The following ZBTB20 variants were observed in gnomAD, a reference collection of about 807,000 sequenced individuals.
ZBTB20 encodes the protein zinc finger and BTB domain containing 20.
Under a neutral mutation model 56.9 loss-of-function variants are expected in ZBTB20, and 9 were observed. The observed-to-expected ratio is 0.16, with a 90% confidence interval of 0.10 to 0.28. The LOEUF is 0.28. Among genes scored for constraint, ZBTB20 ranks in the 10% least tolerant of loss-of-function variants. The pLI is 1.00. For synonymous variants in ZBTB20, 417 were observed against 420.7 expected, an observed-to-expected ratio of 0.99 and a Z score of 0.11; for missense variants, 655 against 1,003.0, an observed-to-expected ratio of 0.65 and a Z score of 4.69.
At chr3:114,747,463 C>T (rs942469087) in intron 5 of ZBTB20, among the ~76,000 whole-genome samples, 1 of 152,056 alleles carries the variant, frequency 6.6e-6, no homozygotes, top group Non-Finnish European at 1.5e-5. Context: ...GTTCGGGAGG[C>T]TGAGGCAGGA....
intron 1 of ZBTB20, among the ~76,000 whole-genome samples, chr3:115,098,241 G>A (rs577591591): frequency 1.3e-5 from 2 of 152,174 alleles, no homozygotes; most frequent in African/African-American, 4.8e-5. Flanking sequence ...CTGTATGTGT[G>A]TACAGAAAAA....
chr3:115,135,742 C>T (rs919071207), intron 1 of ZBTB20, among the ~76,000 whole-genome samples: 5 of 152,014 alleles, frequency 3.3e-5, no homozygotes, highest in Non-Finnish European at 7.4e-5. Flanking sequence ...TGTTCACAAC[C>T]CAACTACCTT....
chr3:115,069,490 C>G (rs2082328460), intron 2 of ZBTB20, among the ~76,000 whole-genome samples: 1 of 152,056 alleles, frequency 6.6e-6, no homozygotes, highest in Non-Finnish European at 1.5e-5. Flanking sequence ...TCAGTTGAGA[C>G]TACACATAGC....
At chr3:114,937,720 C>T (rs1401884644) in intron 3 of ZBTB20, among the ~76,000 whole-genome samples, 1 of 152,126 alleles carries the variant, frequency 6.6e-6, no homozygotes, top group Non-Finnish European at 1.5e-5. Flanking sequence ...TGCGGCCAGC[C>T]GTAAATGTCT....
rs1385900448 is a variant in ZBTB20, at chr3:114,578,644, A to G, written c.-294-78253T>C. Among the ~76,000 whole-genome samples the G allele has an allele frequency of 2.0e-5, 3 of 152,050 alleles. No individual in the cohort carries two copies. The South Asian group carries it at 6.2e-4, about 32-fold the overall frequency. ...TTAATTAAGAATAGTTGACAGAACA[A>G]TAGTCTAAGATATAATTGAGTAATG... On this transcript the variant is annotated intron_variant, in intron 6 of 11. Transcript: ENST00000675478.
intron 7 of ZBTB20, among the ~76,000 whole-genome samples, chr3:114,432,954 C>T (rs1470526750): frequency 6.6e-6 from 1 of 152,102 alleles, no homozygotes; most frequent in Non-Finnish European, 1.5e-5. Context: ...TAATAAACTC[C>T]TCACCCCTCA....
At chr3:114,438,050 C>T (rs963403333) in intron 7 of ZBTB20, among the ~76,000 whole-genome samples, 3 of 152,026 alleles carry the variant, frequency 2.0e-5, no homozygotes, top group Admixed American at 6.6e-5. Flanking sequence ...TAGACTGAAG[C>T]GAGGAACTGC....
chr3:114,899,689 T>C (rs1248113154), intron 4 of ZBTB20, among the ~76,000 whole-genome samples: 2 of 152,168 alleles, frequency 1.3e-5, no homozygotes, highest in Admixed American at 1.3e-4. Flanking sequence ...ACAAGCACAC[T>C]GCTAACAAGC....
chr3:114,653,277 G>C (rs1191080982), intron 6 of ZBTB20, among the ~76,000 whole-genome samples: 1 of 151,856 alleles, frequency 6.6e-6, no homozygotes, highest in Admixed American at 6.6e-5. Flanking sequence ...TGTTTTCATA[G>C]AGGCCCTTCA....
At chr3:114,981,941 GTTTTC>G (rs946035577) in intron 2 of ZBTB20, among the ~76,000 whole-genome samples, 2 of 151,850 alleles carry the variant, frequency 1.3e-5, no homozygotes, top group Non-Finnish European at 2.9e-5. Context: ...TTTCATACTG[GTTTTC>G]CCAGAAAAAT....
intron 7 of ZBTB20, among the ~76,000 whole-genome samples, chr3:114,434,685 A>T (rs976736634): frequency 1.3e-5 from 2 of 152,062 alleles, no homozygotes; most frequent in African/African-American, 4.8e-5. Context: ...CTTTGATTCA[A>T]TGGTGCTTAC....
chr3:114,722,807 C>T lies in ZBTB20; in HGVS notation c.-342-29232G>A, dbSNP rs112182126. On this transcript the variant is annotated intron_variant, in intron 5 of 11. Transcript: ENST00000675478. ...TTACTGCACTGTGGCTGGTTGTTGT[C>T]TGGGCATCATTTTATTTCTTCCAAT... Among the ~76,000 whole-genome samples the T allele has an allele frequency of 5.6e-4, 85 of 152,262 alleles. 1 individual carries two copies. The highest frequency in any genetic ancestry group is 2.0e-3 in the African/African-American group (85 of 41,538).
chr3:114,607,037 G>T (rs1302144777), intron 6 of ZBTB20, among the ~76,000 whole-genome samples: 1 of 151,982 alleles, frequency 6.6e-6, no homozygotes, highest in Non-Finnish European at 1.5e-5. Context: ...GGCACAGGTT[G>T]CAGTGAGCCG....
At chr3:114,500,886 T>C (rs375068401) in intron 6 of ZBTB20, among the ~76,000 whole-genome samples, 6 of 152,350 alleles carry the variant, frequency 3.9e-5, no homozygotes, top group African/African-American at 1.2e-4. Context: ...GTTTCTATTA[T>C]TGTAGAAACT....
chr3:114,899,823 G>A (rs924853747), intron 4 of ZBTB20, among the ~76,000 whole-genome samples: 2 of 152,106 alleles, frequency 1.3e-5, no homozygotes, highest in Non-Finnish European at 2.9e-5. Context: ...ATTTTAAACA[G>A]GTGCAAACAT....
At chr3:114,844,535 A>AAAAAAAC (rs2074573476) in intron 4 of ZBTB20, among the ~76,000 whole-genome samples, 1 of 139,900 alleles carries the variant, frequency 7.1e-6, no homozygotes, top group Non-Finnish European at 1.5e-5. Context: ...AAAAAAAAAA[A>AAAAAAAC]AAAAAAAAAA....
In ZBTB20 at chr3:115,047,451, C is replaced by T. The variant is rs995521691; in HGVS notation, c.-507+23768G>A. ...TCCTCACACCTCCATGTTCACTTTACCCAGCACTTATTAAATGTACATTTT... is the reference window on the plus strand; with the variant it reads ...TCCTCACACCTCCATGTTCACTTTATCCAGCACTTATTAAATGTACATTTT... On this transcript the variant is annotated intron_variant, in intron 2 of 11. Transcript: ENST00000675478. Among the ~76,000 whole-genome samples, 57 of 152,144 alleles carry T rather than the reference C, an allele frequency of 3.7e-4. 1 individual carries two copies. The highest frequency in any genetic ancestry group is 1.4e-3 in the African/African-American group (57 of 41,430).
At chr3:115,060,940 G>C (rs1439789825) in intron 2 of ZBTB20, among the ~76,000 whole-genome samples, 1 of 151,982 alleles carries the variant, frequency 6.6e-6, no homozygotes, top group Non-Finnish European at 1.5e-5. Flanking sequence ...AACTCTGTAG[G>C]TTAGAGAATT....
intron 7 of ZBTB20, among the ~76,000 whole-genome samples, chr3:114,453,901 A>G (rs1172056335): frequency 1.3e-5 from 2 of 148,896 alleles, no homozygotes; most frequent in African/African-American, 5.0e-5. Flanking sequence ...AGAAAAACAT[A>G]TATCAGACAT....
Sources: gnomAD v4.1 joint callset for allele counts (sites outside exome capture counted in the v4.1 genomes callset) on GRCh38, gnomAD v4.1.1 for gene constraint, MANE v1.5 for transcripts, NCBI Gene and HGNC (gene_info 2026-07-23, HGNC 2026-07-21) for gene names.